Variants in CPEB1 observed in about 807,000 individuals in gnomAD.
CPEB1 encodes cytoplasmic polyadenylation element-binding protein 1.
A neutral mutation model predicts 65.8 loss-of-function variants in CPEB1; 7 were observed. The ratio of observed to expected loss-of-function variants is 0.11; its 90% CI spans 0.06 to 0.20. CPEB1 has a LOEUF of 0.20. Among genes scored for constraint, CPEB1 ranks in the 10% least tolerant of loss-of-function variants. CPEB1 has a pLI of 1.00. For synonymous variants in CPEB1, 262 were observed against 260.0 expected (o/e 1.01, Z -0.08); for missense variants, 551 against 712.2 (o/e 0.77, Z 2.58).
chr15:82,590,223 A>AC (rs1567205337), intron 3 of CPEB1, among the ~76,000 whole-genome samples: 1 of 143,220 alleles, frequency 7.0e-6, no homozygotes, highest in Admixed American at 7.0e-5. Flanking sequence ...AAAAAAAAAA[A>AC]AAAAAAAAAA....
intron 9 of CPEB1, among the ~76,000 whole-genome samples, chr15:82,551,742 A>C (rs948256298): frequency 2.0e-5 from 3 of 152,162 alleles, no homozygotes; most frequent in African/African-American, 7.2e-5. Flanking sequence ...CCTGAGCTCA[A>C]AACTTGCTTT....
At chr15:82,583,352 C>T (rs2041477767) in intron 3 of CPEB1, 1 of 152,090 alleles carries the variant, frequency 6.6e-6, no homozygotes, top group South Asian at 2.1e-4. Flanking sequence ...AACCAAAACA[C>T]AATGAAACAT....
At chr15:82,554,396 T>A (rs2036818836) in intron 6 of CPEB1, among the ~76,000 whole-genome samples, 1 of 152,256 alleles carries the variant, frequency 6.6e-6, no homozygotes, top group Admixed American at 6.5e-5. Flanking sequence ...CTGGTACAAA[T>A]GGGCCTTCTC....
In CPEB1 at chr15:82,618,094, T is replaced by TA. The variant is rs961633937; in HGVS notation, c.271+9098dup. Among the ~76,000 whole-genome samples, 147 of 145,344 alleles carry TA rather than the reference T, an allele frequency of 1.0e-3. 2 individuals carry two copies. The highest frequency in any genetic ancestry group is 2.9e-3 in the Admixed American group (42 of 14,444). ...AAGCTATTCTAAAATGTAAGCTTAT[T>TA]AAAAAAAAAAAGAGTGGAACCACTG... On this transcript the variant is annotated intron_variant, in intron 3 of 12. Coordinates refer to ENST00000684509, the MANE Select transcript of CPEB1 (RefSeq NM_001365242.1).
chr15:82,600,894 T>C (rs2043048032), intron 3 of CPEB1, among the ~76,000 whole-genome samples: 1 of 137,896 alleles, frequency 7.3e-6, no homozygotes, highest in African/African-American at 2.6e-5. Flanking sequence ...ACCCAGAACT[T>C]GTCTTTTTTT....
intron 3 of CPEB1, among the ~76,000 whole-genome samples, chr15:82,583,985 C>T (rs1042697213): frequency 4.6e-5 from 7 of 152,224 alleles, no homozygotes; most frequent in Non-Finnish European, 1.0e-4. Context: ...TGCAGCTGGG[C>T]TTGGTGGCTC....
chr15:82,558,941 C>A (rs142417955), intron 4 of CPEB1, among the ~76,000 whole-genome samples: 3 of 127,696 alleles, frequency 2.3e-5, no homozygotes, highest in African/African-American at 9.6e-5. Flanking sequence ...AGGAAAGAAG[C>A]CTTAATTTGA....
rs1285599762 is a variant in CPEB1 at position 82,544,530 on chromosome 15, C to CA, written c.*61dup. 2.1e-5 allele frequency: 27 copies of CA among 1,285,444 alleles called. No individual in the cohort carries two copies. In the African/African-American group the frequency reaches 3.8e-4, roughly 18 times the overall value. 79.6% of individuals were successfully genotyped at this position (1,285,444 alleles called of 1,614,324 possible). ...CCTGGTCGCCAGTGGCAGGGTGGTG[C>CA]AGGCTGCTTGCCTGACCTGCCAGCT... On this transcript the variant is annotated 3_prime_UTR_variant, in exon 13 of 13. Transcript: ENST00000684509.
At chr15:82,568,181 C>T (rs1380302523) in intron 4 of CPEB1, among the ~76,000 whole-genome samples, 1 of 152,134 alleles carries the variant, frequency 6.6e-6, no homozygotes, top group East Asian at 1.9e-4. Context: ...CACTTTGTAA[C>T]CTCCATGAGC....
rs563198741 is a variant in CPEB1 at position 82,550,263 on chromosome 15, C to G, written c.1282-605G>C. Among the ~76,000 whole-genome samples the G allele has an allele frequency of 2.0e-5, 3 of 152,258 alleles. No individual in the cohort carries two copies. In the South Asian group the frequency reaches 6.2e-4, roughly 32 times the overall value. ...ACCATGTCCTTTGCCTCTGAATCTC[C>G]TGAACCTGGAACAAAACCTTGTAGA... On this transcript the variant is annotated intron_variant, in intron 9 of 12. Transcript: ENST00000684509.
intron 4 of CPEB1, among the ~76,000 whole-genome samples, chr15:82,567,982 T>G (rs1002502656): frequency 6.6e-6 from 1 of 152,258 alleles, no homozygotes; most frequent in South Asian, 2.1e-4. Context: ...CCTTCAGAGA[T>G]CTCATCAAGG....
intron 3 of CPEB1, among the ~76,000 whole-genome samples, chr15:82,619,113 G>A (rs1372619000): frequency 6.6e-6 from 1 of 152,190 alleles, no homozygotes; most frequent in Non-Finnish European, 1.5e-5. Context: ...ATAGATCAAT[G>A]GAAGAGAAGA....
rs573028004 is a variant in CPEB1 at position 82,557,549 on chromosome 15, T to C, written c.687+211A>G. ...AGAGTCCTGAGCTCAGGTCCTGCAATGTATTGCTCAATGGGTCTTCAAAGC... is the reference window on the plus strand; with the variant it reads ...AGAGTCCTGAGCTCAGGTCCTGCAACGTATTGCTCAATGGGTCTTCAAAGC... On this transcript the variant is annotated intron_variant, in intron 5 of 12. Coordinates refer to ENST00000684509, the MANE Select transcript of CPEB1 (RefSeq NM_001365242.1). 6 of 513,830 alleles carry C rather than the reference T, an allele frequency of 1.2e-5. No homozygotes were observed. In the South Asian group the frequency reaches 1.7e-4, roughly 15 times the overall value. 31.8% of individuals were successfully genotyped at this position (513,830 alleles called of 1,614,324 possible). A position where few individuals can be genotyped will look rare whatever the true frequency, so the allele number is the denominator to read the frequency against.
chr15:82,552,301 T>TG (rs1212173024), intron 9 of CPEB1, among the ~76,000 whole-genome samples, 179 bp downstream of exon 9: 3 of 142,384 alleles, frequency 2.1e-5, no homozygotes, highest in Non-Finnish European at 4.6e-5. Flanking sequence ...AAAGGTTGCT[T>TG]TTTTTTTTTT....
chr15:82,612,389 T>C (rs534729507), intron 3 of CPEB1, among the ~76,000 whole-genome samples: 14 of 149,208 alleles, frequency 9.4e-5, no homozygotes, highest in African/African-American at 3.5e-4. Flanking sequence ...CCCAGCTACT[T>C]GGGAGGCTGA....
At chr15:82,619,245 C>T (rs548006403) in intron 3 of CPEB1, among the ~76,000 whole-genome samples, 27 of 152,260 alleles carry the variant, frequency 1.8e-4, no homozygotes, top group Non-Finnish European at 3.2e-4. Context: ...ACTGGCTATC[C>T]ACACAGAACA....
At chr15:82,646,213 C>G (rs2047504104) in intron 1 of CPEB1, among the ~76,000 whole-genome samples, 2 of 152,214 alleles carry the variant, frequency 1.3e-5, no homozygotes, top group African/African-American at 2.4e-5. Context: ...TTAGCAGACA[C>G]TCTTCCCGCT....
intron 3 of CPEB1, among the ~76,000 whole-genome samples, chr15:82,594,070 A>G (rs1234995469): frequency 6.6e-6 from 1 of 152,208 alleles, no homozygotes; most frequent in African/African-American, 2.4e-5. Context: ...CCTCAACTTT[A>G]AAGTTACCAG....
intron 3 of CPEB1, among the ~76,000 whole-genome samples, chr15:82,595,418 T>C (rs969894403): frequency 1.2e-4 from 18 of 152,378 alleles, no homozygotes; most frequent in African/African-American, 3.8e-4. Flanking sequence ...TAGCAATGTA[T>C]AAGAGTTTCA....
Sources: allele counts gnomAD v4.1 joint callset (sites outside exome capture counted in the v4.1 genomes callset), GRCh38; gene constraint gnomAD v4.1.1; transcripts MANE v1.5; gene names NCBI Gene and HGNC (gene_info 2026-07-23, HGNC 2026-07-21).